Variants in STAT2 observed in about 807,000 individuals in gnomAD.
The protein encoded by STAT2 is signal transducer and activator of transcription 2.
In STAT2, 51 loss-of-function variants were observed where a neutral mutation model predicts 122.3. That is an observed-to-expected ratio of 0.42 (90% CI 0.33 to 0.53). The LOEUF (loss-of-function observed/expected upper bound fraction) is 0.53. Among genes scored for constraint, STAT2 ranks in the 20% least tolerant of loss-of-function variants. STAT2 has a pLI of 0.10. For missense variants in STAT2, 736 were observed against 1,010.3 expected, an observed-to-expected ratio of 0.73 and a Z score of 3.68; for synonymous variants, 351 against 394.9, an observed-to-expected ratio of 0.89 and a Z score of 1.32.
In STAT2 at chr12:56,342,357, T is replaced by G. The variant is rs1876711518; in HGVS notation, c.*1032A>C. 6.6e-6 allele frequency: 1 copy of G among 151,276 alleles called. No individual in the cohort carries two copies. Among genetic ancestry groups the G allele is most frequent in the African/African-American group, 2.4e-5 (1 of 40,946 alleles). The allele number at this position is 151,276 out of a possible 1,614,324, so 9.4% of individuals were successfully genotyped here. Reference sequence around the variant, plus strand: ...TGGCTCATGCCTATAATCCCAGCACTTTGGGAGGCCAAGGCGTGAGGATCA... The same window carrying G: ...TGGCTCATGCCTATAATCCCAGCACGTTGGGAGGCCAAGGCGTGAGGATCA... On this transcript the variant is annotated 3_prime_UTR_variant, in exon 24 of 24. Transcript: ENST00000314128.
At chr12:56,353,707 C>T (rs1361291390) in intron 8 of STAT2, among the ~76,000 whole-genome samples, 1 of 151,620 alleles carries the variant, frequency 6.6e-6, no homozygotes, top group Non-Finnish European at 1.5e-5. Flanking sequence ...ATATAATATA[C>T]TGTTGGCCGG....
chr12:56,352,280 C>T (rs1436087285), intron 8 of STAT2: 2 of 143,068 alleles, frequency 1.4e-5, no homozygotes, highest in Non-Finnish European at 3.0e-5. Context: ...GACAGGAAAA[C>T]AACCATACAC....
Position 56,356,463 on chromosome 12 carries a change from C to T in STAT2, c.109G>A (p.Val37Ile), listed in dbSNP as rs144812882. 2 of 1,614,074 alleles carry T rather than the reference C, an allele frequency of 1.2e-6. No homozygotes were observed. The highest frequency in any genetic ancestry group is 1.7e-5 in the Admixed American group (1 of 60,022). The stretch of plus-strand genomic sequence containing the variant: ...CACCAGTTCTGGTCTTCAATCCAGA[C>T]AGCCAAGTACTGTCGAATGTCCACA... ...LPVDIRQYLAVWIEDQNWQEA... is the reference protein window; with the variant it reads ...LPVDIRQYLAIWIEDQNWQEA... The change falls in exon 2 of 24, where the codon GTC becomes ATC. Residue 37 changes from valine (V) to isoleucine (I), a missense_variant. By Grantham distance (29) the Val-to-Ile change is conservative (BLOSUM62 3). Coordinates refer to ENST00000314128, the MANE Select transcript of STAT2 (RefSeq NM_005419.4).
rs150901100 is a variant in STAT2, at chr12:56,356,167, G to T, written c.250C>A (p.Gln84Lys). Reference protein sequence around the residue: ...CSQDPESLLLQHNLRKFCRDI... With the variant: ...CSQDPESLLLKHNLRKFCRDI... The stretch of plus-strand genomic sequence containing the variant: ...CGGCAGAATTTCCGCAAATTGTGCT[G>T]CAGCAACAAGGACTCTGGGTCCTGG... Residue 84 changes from glutamine to lysine, a missense_variant, in exon 3 of 24, where the codon CAG becomes AAG. Gln to Lys is a moderately conservative substitution (Grantham distance 53). Transcript: ENST00000314128. The T allele has an allele frequency of 1.8e-4, 297 of 1,614,134 alleles. 1 individual carries two copies. The Middle Eastern group carries it at 5.9e-3, about 32-fold the overall frequency.
intron 22 of STAT2, among the ~76,000 whole-genome samples, chr12:56,345,788 GA>G (rs963436603): frequency 6.4e-4 from 90 of 140,698 alleles, no homozygotes; most frequent in Non-Finnish European, 5.4e-4. Flanking sequence ...ACCCTGTCTG[GA>G]AAAAAAAAAA....
At chr12:56,357,229 G>A (rs1387428379) in intron 1 of STAT2, among the ~76,000 whole-genome samples, 1 of 151,566 alleles carries the variant, frequency 6.6e-6, no homozygotes, top group Non-Finnish European at 1.5e-5. Flanking sequence ...TAGTAGAGAT[G>A]GGGTTTTGCC....
chr12:56,346,204 C>T lies in STAT2; in HGVS notation c.2045-1G>A, dbSNP rs749787188. 1 of 1,614,080 alleles carries T rather than the reference C, an allele frequency of 6.2e-7. No individual in the cohort carries two copies. On this transcript the variant is annotated splice_acceptor_variant, in intron 21 of 23. Transcript: ENST00000314128. LOFTEE classifies it high-confidence loss of function. ...TATTTCCTCCGTTCCTGGAGATTAA[C>T]TGTGAGGAACATATACAAGAAGCAG...
At chr12:56,345,424 C>T (rs1877235031) in intron 22 of STAT2, among the ~76,000 whole-genome samples, 2 of 138,460 alleles carry the variant, frequency 1.4e-5, no homozygotes, top group Admixed American at 1.5e-4. Context: ...TTGCTTCAAC[C>T]CCTAGGTCAA....
intron 2 of STAT2, 68 bp from the exon 3 acceptor site, chr12:56,356,353 C>T (rs1279396840): frequency 1.2e-6 from 2 of 1,604,880 alleles, no homozygotes; most frequent in African/African-American, 1.3e-5. Context: ...CTTTCCAACC[C>T]CTTCCTGCCA....
intron 7 of STAT2, 70 bp from the exon 8 acceptor site, chr12:56,354,684 G>T: frequency 6.2e-7 from 1 of 1,612,248 alleles, no homozygotes; most frequent in South Asian, 1.1e-5. Flanking sequence ...TGGGGATGAA[G>T]AAACAAAGAA....
chr12:56,346,292 T>G (rs1877446661), intron 21 of STAT2, 89 bp from the exon 22 acceptor site: 1 of 1,570,546 alleles, frequency 6.4e-7, no homozygotes, highest in Admixed American at 1.7e-5. Flanking sequence ...CCTGGCAGTC[T>G]CATCCCCATA....
chr12:56,357,702 TTTTC>T (rs1221455523), intron 1 of STAT2, among the ~76,000 whole-genome samples: 19 of 150,642 alleles, frequency 1.3e-4, no homozygotes, highest in South Asian at 2.1e-4. Context: ...TTAATGGGAA[TTTTC>T]TTTCTTTTTT....
At chr12:56,352,704 C>CT (rs113384062) in intron 8 of STAT2, among the ~76,000 whole-genome samples, 128 of 145,184 alleles carry the variant, frequency 8.8e-4, no homozygotes, top group South Asian at 3.5e-3. Flanking sequence ...TTTTAATCTA[C>CT]TTTTTTTTTT....
intron 1 of STAT2, among the ~76,000 whole-genome samples, chr12:56,358,228 A>C (rs1288200041): frequency 1.5e-4 from 22 of 150,272 alleles, no homozygotes; most frequent in Admixed American, 1.5e-3. Flanking sequence ...GCTGGCTCTG[A>C]AGCTTTTTTT....
At chr12:56,357,786 A>C (rs1434480536) in intron 1 of STAT2, among the ~76,000 whole-genome samples, 1 of 144,170 alleles carries the variant, frequency 6.9e-6, no homozygotes, top group Non-Finnish European at 1.5e-5. Flanking sequence ...ATCTTGGCTC[A>C]CTGCAGCTTT....
At chr12:56,346,691 G>C (rs1877514538) in intron 20 of STAT2, 67 bp from the exon 21 acceptor site, 2 of 1,603,358 alleles carry the variant, frequency 1.2e-6, no homozygotes, top group African/African-American at 2.7e-5. Flanking sequence ...TCTCTGCTCT[G>C]GCTGCCCAGT....
At chr12:56,354,273 T>C (rs895874626) in intron 8 of STAT2, 193 bp downstream of exon 8, 2 of 668,592 alleles carry the variant, frequency 3.0e-6, no homozygotes, top group African/African-American at 1.8e-5. Flanking sequence ...TTCCTTTCCC[T>C]GAAGGAGACT....
chr12:56,352,371 T>TGTG (rs1878649097), intron 8 of STAT2: 5 of 28,508 alleles, frequency 1.8e-4, no homozygotes, highest in African/African-American at 5.0e-4. Context: ...TTTTTTTTTT[T>TGTG]GGTGGGGGTG....
At chr12:56,348,434 G>GCTCT (rs1592471499) in intron 19 of STAT2, 95 bp downstream of exon 19, 1 of 1,310,048 alleles carries the variant, frequency 7.6e-7, no homozygotes, top group East Asian at 2.3e-5. Flanking sequence ...ACCTGTCTTT[G>GCTCT]CTCTCTCTCC....
Sources: gnomAD v4.1 joint callset for allele counts (sites outside exome capture counted in the v4.1 genomes callset) on GRCh38, gnomAD v4.1.1 for gene constraint, MANE v1.5 for transcripts, NCBI Gene and HGNC (gene_info 2026-07-23, HGNC 2026-07-21) for gene names.